CLSTN1: variants seen among roughly 807,000 people sequenced by gnomAD.
CLSTN1 encodes the protein calsyntenin 1.
In CLSTN1, 28 loss-of-function variants were observed where a neutral mutation model predicts 108.3. The ratio of observed to expected loss-of-function variants is 0.26; its 90% CI spans 0.19 to 0.35. CLSTN1 has a LOEUF of 0.35. CLSTN1 is among the 10% of genes least tolerant of loss of function. CLSTN1 has a pLI of 1.00. For synonymous variants in CLSTN1, 524 were observed against 534.9 expected (o/e 0.98, Z 0.28); for missense variants, 1,157 against 1,302.6 (o/e 0.89, Z 1.72).
chr1:9,781,307 CGA>C, intron 1 of CLSTN1: 1 of 641,110 alleles, frequency 1.6e-6, no homozygotes, highest in Non-Finnish European at 2.8e-6. Flanking sequence ...GCACTGTAGT[CGA>C]GAATGTACAA....
chr1:9,758,313 T>G (rs1651914989), intron 2 of CLSTN1, among the ~76,000 whole-genome samples: 1 of 145,270 alleles, frequency 6.9e-6, no homozygotes, highest in Non-Finnish European at 1.5e-5. Flanking sequence ...TTTTATGACT[T>G]GCTTCTTTTT....
chr1:9,780,278 C>A (rs1302250940), intron 1 of CLSTN1, among the ~76,000 whole-genome samples: 1 of 152,176 alleles, frequency 6.6e-6, no homozygotes, highest in Non-Finnish European at 1.5e-5. Flanking sequence ...ACTATAAATA[C>A]TAAAACTAAA....
Position 9,793,369 on chromosome 1 carries a change from G to A in CLSTN1, c.92-19975C>T, listed in dbSNP as rs1653852497. 2.6e-5 allele frequency among the ~76,000 whole-genome samples: 4 copies of A among 151,492 alleles called. 1 individual carries two copies. The South Asian group carries it at 6.5e-4, about 25-fold the overall frequency. On this transcript the variant is annotated intron_variant, in intron 1 of 18. Coordinates refer to ENST00000377298, the MANE Select transcript of CLSTN1 (RefSeq NM_001009566.3). The stretch of plus-strand genomic sequence containing the variant: ...TCAAACCTCAGATAGTAAAGAGCAC[G>A]CCCCCATCCATCCACGGCAGCTGTG...
At chr1:9,809,817 C>G (rs1006104450) in intron 1 of CLSTN1, among the ~76,000 whole-genome samples, 2 of 151,336 alleles carry the variant, frequency 1.3e-5, no homozygotes, top group Non-Finnish European at 2.9e-5. Context: ...AGAAGAACTG[C>G]TGGAACCTGG....
intron 7 of CLSTN1, among the ~76,000 whole-genome samples, chr1:9,748,445 T>A (rs1651388550): frequency 6.6e-6 from 1 of 152,216 alleles, no homozygotes; most frequent in Non-Finnish European, 1.5e-5. Context: ...TAGTTCTGAT[T>A]TTCTACTTCA....
chr1:9,771,683 G>A (rs1041854665), intron 2 of CLSTN1, among the ~76,000 whole-genome samples: 20 of 152,104 alleles, frequency 1.3e-4, no homozygotes, highest in African/African-American at 4.3e-4. Context: ...CTGTGTGTGT[G>A]TTCACGGCAT....
intron 1 of CLSTN1, among the ~76,000 whole-genome samples, chr1:9,798,239 T>A (rs1288110627): frequency 5.9e-5 from 9 of 152,028 alleles, no homozygotes; most frequent in Admixed American, 5.9e-4. Context: ...CTCCCAGGTA[T>A]ACATCCAAAA....
rs1488757471 is a variant in CLSTN1 at position 9,734,659 on chromosome 1, GC to G, written c.2110+288del. Among the ~76,000 whole-genome samples, 3 of 151,816 alleles carry G rather than the reference GC, an allele frequency of 2.0e-5. No homozygotes were observed. The highest frequency in any genetic ancestry group is 3.9e-4 in the East Asian group (2 of 5,156). ...GTGCCTCCATGGGCTGGCCAGCCTGGCAGGTGCAAGCAGTGTCTCCCGTAAG... is the reference window on the plus strand; with the variant it reads ...GTGCCTCCATGGGCTGGCCAGCCTGGAGGTGCAAGCAGTGTCTCCCGTAAG... On this transcript the variant is annotated intron_variant, in intron 14 of 18. Transcript: ENST00000377298. The surrounding 1 kb of genome is among the most constrained non-coding windows in gnomAD (Gnocchi z 4.8).
At chr1:9,815,892 C>T (rs1465757857) in intron 1 of CLSTN1, among the ~76,000 whole-genome samples, 1 of 152,122 alleles carries the variant, frequency 6.6e-6, no homozygotes, top group East Asian at 1.9e-4. Flanking sequence ...GCCAAGATAA[C>T]ATCACTGCAC....
intron 1 of CLSTN1, among the ~76,000 whole-genome samples, chr1:9,784,333 G>C (rs1261593110): frequency 6.6e-6 from 1 of 150,772 alleles, no homozygotes; most frequent in Non-Finnish European, 1.5e-5. Flanking sequence ...GACAAAGCGA[G>C]ATTCCCTCTT....
At chr1:9,775,345 C>T (rs1453507007) in intron 1 of CLSTN1, among the ~76,000 whole-genome samples, 3 of 152,034 alleles carry the variant, frequency 2.0e-5, no homozygotes, top group African/African-American at 7.2e-5. Flanking sequence ...ACCCTCCTCT[C>T]GGTGATGGCC....
At position 9,744,568 on chromosome 1, in the gene CLSTN1, T is replaced by G. The variant is rs1651156855; in HGVS notation, c.1061A>C (p.Asp354Ala). 2 of 1,613,556 alleles carry G rather than the reference T, an allele frequency of 1.2e-6. No individual in the cohort carries two copies. The highest frequency in any genetic ancestry group is 2.7e-5 in the African/African-American group (2 of 74,928). The change falls in exon 8 of 19, where the codon GAC becomes GCC. Residue 354 changes from aspartate (D) to alanine (A), a missense_variant. By Grantham distance (126) the Asp-to-Ala change is moderately radical (BLOSUM62 -2). Coordinates refer to ENST00000377298, the MANE Select transcript of CLSTN1 (RefSeq NM_001009566.3). The stretch of plus-strand genomic sequence containing the variant: ...CACCTGGTCGCTGTCGTGGCCATTG[T>G]CGGTGGGCAGGCCCATGGTCCAGTT... ...SLNWTMGLPT[D>A]NGHDSDQVFE...
chr1:9,818,775 CTCT>C (rs1472985492), intron 1 of CLSTN1, among the ~76,000 whole-genome samples: 102 of 138,870 alleles, frequency 7.3e-4, no homozygotes, highest in African/African-American at 2.7e-3. Context: ...CTTCAAGCAA[CTCT>C]TTTTTTTTTT....
In CLSTN1 at chr1:9,823,850, G is replaced by A. The variant is rs1338831916; in HGVS notation, c.-117C>T. 8.1e-6 allele frequency: 3 copies of A among 368,636 alleles called. No individual in the cohort carries two copies. Among genetic ancestry groups the A allele is most frequent in the Non-Finnish European group, 1.1e-5 (3 of 263,106 alleles). 22.8% of individuals were successfully genotyped at this position (368,636 alleles called of 1,614,324 possible). ...GCTCCGCGGCGCGGGGAGCTCCGGG[G>A]GTCCAAGGAGGAGCCGCCGCCGCCG... On this transcript the variant is annotated 5_prime_UTR_variant, in exon 1 of 19. Transcript: ENST00000377298. The surrounding 1 kb of genome is among the most constrained non-coding windows in gnomAD (Gnocchi z 6.3).
intron 9 of CLSTN1, 112 bp downstream of exon 9, chr1:9,743,772 G>T: frequency 8.5e-7 from 1 of 1,174,078 alleles, no homozygotes; most frequent in Non-Finnish European, 1.2e-6. Context: ...TGCCCAGGCT[G>T]GTCTCGAACC....
chr1:9,748,745 T>G (rs910660999), intron 7 of CLSTN1, among the ~76,000 whole-genome samples: 5 of 152,012 alleles, frequency 3.3e-5, no homozygotes, highest in Non-Finnish European at 1.5e-5. Flanking sequence ...CACCTCGGCC[T>G]CCCAAAGTGG....
At chr1:9,753,331 C>T (rs944267756) in intron 4 of CLSTN1, among the ~76,000 whole-genome samples, 4 of 152,086 alleles carry the variant, frequency 2.6e-5, no homozygotes, top group African/African-American at 7.2e-5. Context: ...TAACAGGCCA[C>T]GGACCAGTAC....
chr1:9,764,129 AGG>A (rs1008714162), intron 2 of CLSTN1, among the ~76,000 whole-genome samples: 7 of 147,912 alleles, frequency 4.7e-5, no homozygotes, highest in African/African-American at 1.0e-4. Context: ...AGAGAGAGAG[AGG>A]GAGAGAGAGA....
chr1:9,776,157 C>T (rs190598454), intron 1 of CLSTN1, among the ~76,000 whole-genome samples: 199 of 152,158 alleles, frequency 1.3e-3, no homozygotes, highest in African/African-American at 4.4e-3. Flanking sequence ...TTAGTAGAGA[C>T]GGGATTTCAC....
Sources: allele counts gnomAD v4.1 joint callset (sites outside exome capture counted in the v4.1 genomes callset), GRCh38; gene constraint gnomAD v4.1.1; non-coding constraint Gnocchi (gnomAD v3.1); transcripts MANE v1.5; gene names NCBI Gene and HGNC (gene_info 2026-07-23, HGNC 2026-07-21).